The following GDI2 variants were observed in gnomAD, a reference collection of about 807,000 sequenced individuals.
GDI2 encodes the protein GDP dissociation inhibitor 2.
In GDI2, 22 loss-of-function variants were observed where a neutral mutation model predicts 54.2. The ratio of observed to expected loss-of-function variants is 0.41; its 90% confidence interval spans 0.29 to 0.58. GDI2 has a LOEUF of 0.58. Ranked by LOEUF, GDI2 falls within the 20% of genes least tolerant of loss-of-function variation. The pLI is 0.35. For synonymous variants in GDI2, 177 were observed against 182.1 expected, an observed-to-expected ratio of 0.97 and a Z score of 0.23; for missense variants, 422 against 546.0, an observed-to-expected ratio of 0.77 and a Z score of 2.26.
Position 5,788,225 on chromosome 10 carries a change from T to C in GDI2, c.389-2175A>G, listed in dbSNP as rs576327531. The stretch of plus-strand genomic sequence containing the variant: ...TTTCCATAGAAACAAGGTCTCGCCA[T>C]GTTGCCCAGGCTGGTCTCAAACTCC... On this transcript the variant is annotated intron_variant, in intron 4 of 10. Coordinates refer to ENST00000380191, the MANE Select transcript of GDI2 (RefSeq NM_001494.4). 2.6e-5 allele frequency among the ~76,000 whole-genome samples: 4 copies of C among 152,158 alleles called. No homozygotes were observed. The South Asian group carries it at 6.2e-4, about 24-fold the overall frequency.
chr10:5,803,234 C>A (rs994814248), intron 1 of GDI2, among the ~76,000 whole-genome samples: 8 of 152,122 alleles, frequency 5.3e-5, no homozygotes, highest in African/African-American at 1.7e-4. Context: ...CCAGTCTGGG[C>A]AACAGGGCAA....
intron 8 of GDI2, among the ~76,000 whole-genome samples, chr10:5,767,473 C>A (rs140572074): frequency 1.4e-3 from 209 of 152,200 alleles, no homozygotes; most frequent in Middle Eastern, 3.4e-3. Context: ...GCCACCACAC[C>A]TAGCCATTTT....
At chr10:5,779,617 G>A (rs1021750170) in intron 6 of GDI2, among the ~76,000 whole-genome samples, 6 of 151,220 alleles carry the variant, frequency 4.0e-5, no homozygotes, top group Non-Finnish European at 8.8e-5. Flanking sequence ...AGCAGAAAAG[G>A]TCAGTAAACT....
Position 5,810,044 on chromosome 10 carries a change from A to C in GDI2, c.45+3170T>G, listed in dbSNP as rs118035978. On this transcript the variant is annotated intron_variant, in intron 1 of 10. Transcript: ENST00000380191. ...AACTCTAACACAGCTATAAGCAAGA[A>C]CTCTCAAAGAGCAAATCAAAGATTA... Among the ~76,000 whole-genome samples, 769 of 152,334 alleles carry C rather than the reference A, an allele frequency of 5.0e-3. 6 individuals are homozygous for C. Among genetic ancestry groups the C allele is most frequent in the Non-Finnish European group, 8.4e-3 (572 of 68,024 alleles).
chr10:5,779,479 G>C (rs1258410956), intron 6 of GDI2, among the ~76,000 whole-genome samples: 1 of 151,200 alleles, frequency 6.6e-6, no homozygotes, highest in Non-Finnish European at 1.5e-5. Context: ...CTGCACTTCA[G>C]CCTGGGTGAC....
At chr10:5,772,195 C>CCA (rs1208126450) in intron 7 of GDI2, among the ~76,000 whole-genome samples, 5 of 152,186 alleles carry the variant, frequency 3.3e-5, no homozygotes, top group Non-Finnish European at 7.3e-5. Flanking sequence ...AGATGGAAGA[C>CCA]AGTGATACTG....
chr10:5,809,478 C>A (rs957297427), intron 1 of GDI2, among the ~76,000 whole-genome samples: 8 of 152,162 alleles, frequency 5.3e-5, no homozygotes, highest in Non-Finnish European at 8.8e-5. Flanking sequence ...CCTAAAAAAT[C>A]ATTCCTCCAT....
At chr10:5,801,465 T>C (rs1841268131) in intron 1 of GDI2, among the ~76,000 whole-genome samples, 1 of 151,464 alleles carries the variant, frequency 6.6e-6, no homozygotes, top group East Asian at 2.0e-4. Flanking sequence ...TCACCTGAGG[T>C]CAGAAGAGCA....
intron 1 of GDI2, 117 bp from the exon 2 acceptor site, chr10:5,800,822 C>T (rs1190948438): frequency 1.5e-6 from 1 of 665,906 alleles, no homozygotes; most frequent in East Asian, 2.7e-5. Flanking sequence ...ATTCATGCAA[C>T]ATGACATAAT....
Position 5,765,824 on chromosome 10 carries a change from G to A in GDI2, c.*182C>T. On this transcript the variant is annotated 3_prime_UTR_variant, in exon 11 of 11. Transcript: ENST00000380191. ...ACAGAATGTGGTAACTGCCAATGCT[G>A]AATAGCCACTCCATGAAAACAAGTT... is the stretch of plus-strand genomic sequence containing the variant. The A allele has an allele frequency of 1.9e-6, 1 of 533,942 alleles. No individual in the cohort carries two copies. Among genetic ancestry groups the A allele is most frequent in the South Asian group, 2.8e-5 (1 of 35,802 alleles). The allele number at this position is 533,942 out of a possible 1,614,324, so 33.1% of individuals were successfully genotyped here. A position where few individuals can be genotyped will look rare whatever the true frequency, so the allele number is the denominator to read the frequency against.
chr10:5,806,354 C>T (rs1481902713), intron 1 of GDI2, among the ~76,000 whole-genome samples: 2 of 21,326 alleles, frequency 9.4e-5, no homozygotes, highest in Non-Finnish European at 1.3e-4. Flanking sequence ...GTGGGAGAAT[C>T]GCTTAAGCCC....
chr10:5,770,963 CAAAAAAAAAAA>C (rs59686031), intron 7 of GDI2, among the ~76,000 whole-genome samples: 2 of 46,392 alleles, frequency 4.3e-5, no homozygotes, highest in African/African-American at 1.8e-4. Flanking sequence ...GAGACTGTCT[CAAAAAAAAAAA>C]AAAAAAAAAA....
rs1252239667 is a variant in GDI2 at position 5,765,997 on chromosome 10, G to A, written c.*9C>T. On this transcript the variant is annotated 3_prime_UTR_variant, in exon 11 of 11. Transcript: ENST00000380191. ...ATGTGTCCTAATTACATAATAACAT[G>A]TACTGCTGTTAGTCTTCCCCATAGA... 1 of 1,567,480 alleles carries A rather than the reference G, an allele frequency of 6.4e-7. No homozygotes were observed. Among genetic ancestry groups the A allele is most frequent in the Non-Finnish European group, 8.6e-7 (1 of 1,162,530 alleles).
intron 1 of GDI2, among the ~76,000 whole-genome samples, chr10:5,808,710 A>AC (rs1057364301): frequency 4.7e-5 from 5 of 106,540 alleles, no homozygotes; most frequent in African/African-American, 1.6e-4. Context: ...AAAAAAAAAA[A>AC]AAAAAAAACT....
chr10:5,801,650 T>C (rs905594431), intron 1 of GDI2, among the ~76,000 whole-genome samples: 29 of 152,216 alleles, frequency 1.9e-4, no homozygotes, highest in South Asian at 2.1e-4. Flanking sequence ...CACTCCAGCC[T>C]GGGCAACAAG....
At chr10:5,789,405 A>G (rs1435648932) in intron 4 of GDI2, among the ~76,000 whole-genome samples, 2 of 150,158 alleles carry the variant, frequency 1.3e-5, no homozygotes, top group Non-Finnish European at 3.0e-5. Flanking sequence ...CGGCCAAATG[A>G]TTTTTTTTTT....
chr10:5,797,887 T>TTTTGC (rs2131711714), intron 2 of GDI2, among the ~76,000 whole-genome samples: 1 of 152,322 alleles, frequency 6.6e-6, no homozygotes, highest in South Asian at 2.1e-4. Flanking sequence ...AAAGGCTTAA[T>TTTTGC]TTTGCTTTTG....
chr10:5,776,413 A>G lies in GDI2; in HGVS notation c.720-2472T>C. 1.3e-6 allele frequency: 1 copy of G among 783,230 alleles called. No homozygotes were observed. Among genetic ancestry groups the G allele is most frequent in the African/African-American group, 1.7e-5 (1 of 58,358 alleles). 48.5% of individuals were successfully genotyped at this position (783,230 alleles called of 1,614,324 possible). A position where few individuals can be genotyped will look rare whatever the true frequency, so the allele number is the denominator to read the frequency against. On this transcript the variant is annotated intron_variant, in intron 6 of 10. Transcript: ENST00000380191. This position sits in a 1 kb window ranked among gnomAD's most constrained non-coding sequence, Gnocchi z 5.3. ...ACAGAGAAATGCCTGCCTGAGATTC[A>G]AGGGATCTTTGACAGGGATCCAGAC... is the stretch of plus-strand genomic sequence containing the variant.
Position 5,812,822 on chromosome 10 carries a change from C to T in GDI2, c.45+392G>A, listed in dbSNP as rs543289851. 6.6e-5 allele frequency among the ~76,000 whole-genome samples: 10 copies of T among 152,346 alleles called. No homozygotes were observed. In the South Asian group the frequency reaches 1.9e-3, roughly 28 times the overall value. On this transcript the variant is annotated intron_variant, in intron 1 of 10. Transcript: ENST00000380191. ...GGAAATGCAACCGCGAGGCCTGCAC[C>T]GTCCCCTCCGCCTCGGGTGCTGGTT...
Sources: allele counts gnomAD v4.1 joint callset (sites outside exome capture counted in the v4.1 genomes callset), GRCh38; gene constraint gnomAD v4.1.1; non-coding constraint Gnocchi (gnomAD v3.1); transcripts MANE v1.5; gene names NCBI Gene and HGNC (gene_info 2026-07-23, HGNC 2026-07-21).